HECW2: variants seen among roughly 807,000 people sequenced by gnomAD.
The protein encoded by HECW2 is HECT, C2 and WW domain containing E3 ubiquitin protein ligase 2.
HECW2 carries 61 observed loss-of-function variants against 175.2 expected under a neutral mutation model. The observed-to-expected ratio is 0.35, with a 90% CI of 0.28 to 0.43. HECW2 has a LOEUF of 0.43. Ranked by LOEUF, HECW2 falls within the 20% of genes least tolerant of loss-of-function variation. HECW2 has a pLI of 1.00. For synonymous variants in HECW2, 671 were observed against 731.0 expected, an observed-to-expected ratio of 0.92 and a Z score of 1.32; for missense variants, 1,524 against 2,000.5, an observed-to-expected ratio of 0.76 and a Z score of 4.54.
At chr2:196,401,983 A>G (rs888407678) in intron 2 of HECW2, among the ~76,000 whole-genome samples, 7 of 151,986 alleles carry the variant, frequency 4.6e-5, no homozygotes, top group Admixed American at 1.3e-4. Flanking sequence ...GGCGGATCAC[A>G]AGGTCAGGAG....
At chr2:196,535,670 C>A (rs1293311720) in intron 1 of HECW2, among the ~76,000 whole-genome samples, 1 of 152,134 alleles carries the variant, frequency 6.6e-6, no homozygotes, top group Non-Finnish European at 1.5e-5. Context: ...CTCTGCCTTA[C>A]CCTCTCCTCA....
At chr2:196,283,724 A>G (rs904394435) in intron 14 of HECW2, among the ~76,000 whole-genome samples, 6 of 152,302 alleles carry the variant, frequency 3.9e-5, no homozygotes, top group Admixed American at 1.3e-4. Flanking sequence ...GTTTTCCACT[A>G]CAATACAGTC....
intron 28 of HECW2, among the ~76,000 whole-genome samples, chr2:196,204,336 TTTTG>T (rs111323129): frequency 1.8e-4 from 27 of 152,036 alleles, no homozygotes; most frequent in African/African-American, 4.3e-4. Flanking sequence ...ATTTCTTGTT[TTTTG>T]TTTGTTTGTT....
intron 2 of HECW2, among the ~76,000 whole-genome samples, chr2:196,410,937 C>A (rs1396691178): frequency 1.3e-5 from 2 of 152,136 alleles, no homozygotes; most frequent in Non-Finnish European, 2.9e-5. Context: ...AAGATACATG[C>A]AGATTCTGAG....
intron 14 of HECW2, among the ~76,000 whole-genome samples, chr2:196,281,752 T>C (rs1318368053): frequency 6.6e-6 from 1 of 151,644 alleles, no homozygotes; most frequent in African/African-American, 2.4e-5. Context: ...AACAGAAGAT[T>C]TTAAAAATCC....
At chr2:196,301,576 G>A (rs1053632535) in intron 13 of HECW2, among the ~76,000 whole-genome samples, 2 of 152,022 alleles carry the variant, frequency 1.3e-5, no homozygotes, top group African/African-American at 4.8e-5. Flanking sequence ...CATTCTGACT[G>A]GCATGAGATG....
At chr2:196,385,258 T>C (rs1390791566) in intron 2 of HECW2, among the ~76,000 whole-genome samples, 2 of 152,146 alleles carry the variant, frequency 1.3e-5, no homozygotes, top group East Asian at 1.9e-4. Context: ...CATAATCTTA[T>C]TTAATTAAGA....
chr2:196,335,955 A>G (rs1170660229), intron 3 of HECW2, among the ~76,000 whole-genome samples: 1 of 152,206 alleles, frequency 6.6e-6, no homozygotes. Flanking sequence ...AAAGACACAC[A>G]CTAAAAAGGA....
At chr2:196,545,430 C>T (rs1040936561) in intron 1 of HECW2, among the ~76,000 whole-genome samples, 1 of 152,182 alleles carries the variant, frequency 6.6e-6, no homozygotes, top group Admixed American at 6.5e-5. Context: ...TGGAGACAGC[C>T]ACAGCCCAAC....
At chr2:196,416,141 G>C (rs1695250916) in intron 2 of HECW2, among the ~76,000 whole-genome samples, 1 of 152,168 alleles carries the variant, frequency 6.6e-6, no homozygotes, top group African/African-American at 2.4e-5. Context: ...CTGACCTTTA[G>C]AAAACAATAA....
At chr2:196,276,830 T>C (rs1216018785) in intron 15 of HECW2, among the ~76,000 whole-genome samples, 2 of 152,236 alleles carry the variant, frequency 1.3e-5, no homozygotes, top group African/African-American at 2.4e-5. Context: ...AAACACATGA[T>C]GCATTGGAGC....
rs1165318699 is a variant in HECW2 at position 196,200,568 on chromosome 2, A to T, written c.*709T>A. The T allele has an allele frequency of 3.3e-5, 5 of 152,652 alleles. No homozygotes were observed. Among genetic ancestry groups the T allele is most frequent in the Admixed American group, 6.5e-5 (1 of 15,276 alleles). 9.5% of individuals were successfully genotyped at this position (152,652 alleles called of 1,614,324 possible). On this transcript the variant is annotated 3_prime_UTR_variant, in exon 29 of 29. Coordinates refer to ENST00000644978, the MANE Select transcript of HECW2 (RefSeq NM_001348768.2). ...GCTGTGATTAATTGCTAGTTATTTT[A>T]AAATTGTTTTCATGCATTATAAAGC...
intron 11 of HECW2, 55 bp from the exon 12 acceptor site, chr2:196,307,288 A>G (rs1399881198): frequency 8.4e-7 from 1 of 1,185,612 alleles, no homozygotes; most frequent in African/African-American, 1.5e-5. Context: ...ATGGGACTCA[A>G]CTGCTCCCCA....
At chr2:196,203,620 T>C (rs1335746738) in intron 28 of HECW2, among the ~76,000 whole-genome samples, 2 of 152,214 alleles carry the variant, frequency 1.3e-5, no homozygotes, top group South Asian at 2.1e-4. Context: ...CTTTCCCCCA[T>C]GTCCTCTTGC....
Position 196,222,400 on chromosome 2 carries a change from G to C in HECW2, c.4017-60C>G, listed in dbSNP as rs1249621974. 9 of 1,512,662 alleles carry C rather than the reference G, an allele frequency of 5.9e-6. No individual in the cohort carries two copies. In the East Asian group the frequency reaches 1.8e-4, roughly 31 times the overall value. The allele number at this position is 1,512,662 out of a possible 1,614,324, so 93.7% of individuals were successfully genotyped here. On this transcript the variant is annotated intron_variant, in intron 23 of 28. Transcript: ENST00000644978. The stretch of plus-strand genomic sequence containing the variant: ...GCATGGCTATTAGCAAAAACCCAGA[G>C]TCATAAGGAAAGAAACTAAGAATTA...
intron 1 of HECW2, among the ~76,000 whole-genome samples, chr2:196,482,612 G>A (rs1351442756): frequency 6.6e-6 from 1 of 152,182 alleles, no homozygotes; most frequent in African/African-American, 2.4e-5. Flanking sequence ...TGATGGTGGT[G>A]TCAAAGGGAG....
At chr2:196,401,375 C>T (rs1694812930) in intron 2 of HECW2, among the ~76,000 whole-genome samples, 1 of 152,118 alleles carries the variant, frequency 6.6e-6, no homozygotes, top group Non-Finnish European at 1.5e-5. Flanking sequence ...TAACATAATA[C>T]ATTTTTGTTT....
chr2:196,476,442 CAAAA>C (rs763469865), intron 1 of HECW2, among the ~76,000 whole-genome samples: 2 of 77,340 alleles, frequency 2.6e-5, no homozygotes, highest in African/African-American at 5.0e-5. Flanking sequence ...GACTCCATCT[CAAAA>C]AAAAAAAAAA....
intron 16 of HECW2, 108 bp downstream of exon 16, chr2:196,273,913 T>A: frequency 1.3e-6 from 1 of 749,976 alleles, no homozygotes; most frequent in Admixed American, 2.7e-5. Context: ...AATTTCTCAA[T>A]ATAGGGCAAA....
Sources: allele counts gnomAD v4.1 joint callset (sites outside exome capture counted in the v4.1 genomes callset), GRCh38; gene constraint gnomAD v4.1.1; transcripts MANE v1.5; gene names NCBI Gene and HGNC (gene_info 2026-07-23, HGNC 2026-07-21).